The following PHACTR1 variants were observed in gnomAD, a reference collection of about 807,000 sequenced individuals.
PHACTR1 encodes the protein phosphatase and actin regulator 1.
PHACTR1 carries 16 observed loss-of-function variants against 69.2 expected under a neutral mutation model. The ratio of observed to expected loss-of-function variants is 0.23; its 90% CI spans 0.16 to 0.35. The LOEUF is 0.35. Ranked by LOEUF, PHACTR1 falls within the 10% of genes least tolerant of loss-of-function variation. The pLI is 1.00. For missense variants in PHACTR1, 510 were observed against 734.7 expected (o/e 0.69, Z 3.54); for synonymous variants, 312 against 284.5 (o/e 1.10, Z -0.97).
chr6:12,942,456 T>C (rs1790155445), intron 4 of PHACTR1, among the ~76,000 whole-genome samples: 1 of 152,196 alleles, frequency 6.6e-6, no homozygotes, highest in African/African-American at 2.4e-5. Context: ...TTCTTTCTTT[T>C]ACACGTGATG....
chr6:13,091,891 G>C (rs1364929439), intron 5 of PHACTR1, among the ~76,000 whole-genome samples: 1 of 152,144 alleles, frequency 6.6e-6, no homozygotes, highest in Non-Finnish European at 1.5e-5. Context: ...TCTGCCTCCT[G>C]AGTTCAAGCT....
At chr6:12,760,541 A>C (rs1428122746) in intron 4 of PHACTR1, among the ~76,000 whole-genome samples, 1 of 152,190 alleles carries the variant, frequency 6.6e-6, no homozygotes, top group Non-Finnish European at 1.5e-5. Context: ...AAAGAGATAC[A>C]GGGAGAAGAA....
intron 5 of PHACTR1, among the ~76,000 whole-genome samples, chr6:13,123,432 T>G (rs933783067): frequency 3.9e-5 from 6 of 152,202 alleles, no homozygotes; most frequent in Admixed American, 1.3e-4. Context: ...CTTGGCCCTT[T>G]CTCTCACCCA....
At chr6:13,223,504 AAAT>A (rs1769027684) in intron 8 of PHACTR1, among the ~76,000 whole-genome samples, 1 of 152,206 alleles carries the variant, frequency 6.6e-6, no homozygotes, top group Admixed American at 6.5e-5. Context: ...AAATAGTTAT[AAAT>A]AATGATGCCC....
intron 4 of PHACTR1, among the ~76,000 whole-genome samples, chr6:12,936,914 C>A (rs570067109): frequency 6.6e-6 from 1 of 152,134 alleles, no homozygotes; most frequent in African/African-American, 2.4e-5. Context: ...TCCTTTCAGT[C>A]TTTTTTCTCA....
intron 6 of PHACTR1, among the ~76,000 whole-genome samples, chr6:13,175,300 G>A (rs1583727242): frequency 6.6e-6 from 1 of 152,182 alleles, no homozygotes; most frequent in Non-Finnish European, 1.5e-5. Context: ...AAGTTTGGGT[G>A]GGGGCGCTTT....
intron 5 of PHACTR1, among the ~76,000 whole-genome samples, chr6:13,111,682 A>G (rs1817059442): frequency 6.6e-6 from 1 of 152,164 alleles, no homozygotes. Flanking sequence ...CAATATAGGT[A>G]TATAGTTAAA....
At chr6:12,725,715 TTAAG>T (rs1762698937) in intron 3 of PHACTR1, among the ~76,000 whole-genome samples, 1 of 152,224 alleles carries the variant, frequency 6.6e-6, no homozygotes, top group African/African-American at 2.4e-5. Context: ...TTACGATTAC[TTAAG>T]TGTCTGTGAC....
At chr6:13,236,063 C>T (rs1326333313) in intron 10 of PHACTR1, among the ~76,000 whole-genome samples, 1 of 151,960 alleles carries the variant, frequency 6.6e-6, no homozygotes, top group Non-Finnish European at 1.5e-5. Context: ...TGAAATATCA[C>T]CCTCCTACTC....
intron 3 of PHACTR1, among the ~76,000 whole-genome samples, chr6:12,739,044 A>C (rs1202198781): frequency 1.3e-5 from 2 of 152,130 alleles, no homozygotes; most frequent in African/African-American, 4.8e-5. Flanking sequence ...AAATTGTCCC[A>C]GATTTGGCCC....
At chr6:12,923,269 G>A (rs368931940) in intron 4 of PHACTR1, among the ~76,000 whole-genome samples, 17 of 152,112 alleles carry the variant, frequency 1.1e-4, no homozygotes, top group African/African-American at 4.1e-4. Flanking sequence ...CTATCCCAAA[G>A]GACCTATGCT....
chr6:12,749,769 A>G lies in PHACTR1; in HGVS notation c.229A>G (p.Ile77Val). 1 of 1,608,160 alleles carries G rather than the reference A, an allele frequency of 6.2e-7. No individual in the cohort carries two copies. Among genetic ancestry groups the G allele is most frequent in the Non-Finnish European group, 8.5e-7 (1 of 1,178,268 alleles). ...SDTPYLAEAR[I>V]SFNLGAAEEV... is the part of the protein sequence containing the mutation. ...CACGCCGTACCTCGCAGAGGCCAGG[A>G]TCTCCTTTAACCTGGGGGCAGGTAA... The change falls in exon 4 of 15, where the codon ATC (isoleucine) becomes GTC (valine). Residue 77 changes from isoleucine (I) to valine (V), a missense_variant. Coordinates refer to ENST00000332995, the MANE Select transcript of PHACTR1 (RefSeq NM_030948.6).
intron 4 of PHACTR1, among the ~76,000 whole-genome samples, chr6:12,894,871 T>C (rs1278815713): frequency 1.3e-5 from 2 of 152,216 alleles, no homozygotes; most frequent in Non-Finnish European, 2.9e-5. Flanking sequence ...TCTTGATTAA[T>C]ATTTTAATGT....
chr6:12,731,201 A>T (rs1394912498), intron 3 of PHACTR1, among the ~76,000 whole-genome samples: 2 of 151,872 alleles, frequency 1.3e-5, no homozygotes, highest in Non-Finnish European at 2.9e-5. Flanking sequence ...TTTTCAGTAG[A>T]GATGGGGTTT....
At chr6:12,976,114 G>C (rs1206793217) in intron 4 of PHACTR1, among the ~76,000 whole-genome samples, 1 of 152,174 alleles carries the variant, frequency 6.6e-6, no homozygotes, top group Admixed American at 6.5e-5. Context: ...ACTGGGGGAG[G>C]GGGTGATGGA....
intron 6 of PHACTR1, among the ~76,000 whole-genome samples, chr6:13,180,499 T>C (rs1209227994): frequency 1.3e-5 from 2 of 152,238 alleles, no homozygotes; most frequent in African/African-American, 4.8e-5. Flanking sequence ...TTTTTTCTAA[T>C]GTTGCTTCTA....
intron 4 of PHACTR1, among the ~76,000 whole-genome samples, chr6:12,752,511 A>G (rs1227757713): frequency 6.6e-6 from 1 of 152,200 alleles, no homozygotes; most frequent in Non-Finnish European, 1.5e-5. Context: ...ATTTATGTTT[A>G]ATATTTGCTT....
chr6:12,729,588 T>A (rs1055426839), intron 3 of PHACTR1, among the ~76,000 whole-genome samples: 1 of 151,986 alleles, frequency 6.6e-6, no homozygotes, highest in East Asian at 1.9e-4. Context: ...CAGGCAGGGG[T>A]CATGGCACGT....
rs999364972 is a variant in PHACTR1, at chr6:13,179,786, C to A, written c.497-2733C>A. Among the ~76,000 whole-genome samples, 24 of 151,862 alleles carry A rather than the reference C, an allele frequency of 1.6e-4. No homozygotes were observed. Among genetic ancestry groups the A allele is most frequent in the African/African-American group, 5.3e-4 (22 of 41,326 alleles). ...ATCAATATTAATGTTGAAGAAATTG[C>A]CAAAAGCTAAAATATGTGTATGGTC... On this transcript the variant is annotated intron_variant, in intron 6 of 14. Transcript: ENST00000332995. The surrounding 1 kb of genome is among the most constrained non-coding windows in gnomAD (Gnocchi z 4.2).
Sources: gnomAD v4.1 joint callset for allele counts (sites outside exome capture counted in the v4.1 genomes callset) on GRCh38, gnomAD v4.1.1 for gene constraint, Gnocchi (gnomAD v3.1) non-coding constraint, MANE v1.5 for transcripts, NCBI Gene and HGNC (gene_info 2026-07-23, HGNC 2026-07-21) for gene names.